THTPA: variants seen among roughly 807,000 people sequenced by gnomAD.
THTPA encodes thiamine-triphosphatase.
A neutral mutation model predicts 16.5 loss-of-function variants in THTPA; 16 were observed. That is an observed-to-expected ratio of 0.97 (90% CI 0.66 to 1.47). The LOEUF is 1.47. Among genes scored for constraint, THTPA ranks in the 40% most tolerant of loss-of-function variants. The pLI, the probability that THTPA is intolerant of heterozygous loss-of-function variation, is 0.00. For synonymous variants in THTPA, 110 were observed against 115.5 expected (o/e 0.95, Z 0.30); for missense variants, 281 against 280.9 (o/e 1.00, Z 0.00).
the THTPA span, chr14:23,521,878 G>C: frequency 6.6e-7 from 1 of 1,508,364 alleles, no homozygotes; most frequent in East Asian, 2.5e-5. Flanking sequence ...GGTGGGGTGA[G>C]GGATTTGAGC....
chr14:23,536,746 C>A, the THTPA span, among the ~76,000 whole-genome samples: 1 of 152,178 alleles, frequency 6.6e-6, no homozygotes, highest in South Asian at 2.1e-4. Context: ...ACTGATGAGG[C>A]ACTGAGTAAA....
the THTPA span, chr14:23,532,255 A>T: frequency 1.1e-5 from 3 of 265,224 alleles, no homozygotes; most frequent in Admixed American, 9.9e-5. Flanking sequence ...CAGCATGCAA[A>T]TGGAGTCTGG....
At chr14:23,525,631 G>A in the THTPA span, 1 of 1,535,902 alleles carries the variant, frequency 6.5e-7, no homozygotes, top group Middle Eastern at 1.7e-4. This position sits in a 1 kb window ranked among gnomAD's most constrained non-coding sequence, Gnocchi z 5.9. Flanking sequence ...TGGCTGCAGT[G>A]CGGGCAGCCT....
At chr14:23,545,376 G>A in the THTPA span, among the ~76,000 whole-genome samples, 5 of 152,268 alleles carry the variant, frequency 3.3e-5, no homozygotes, top group South Asian at 1.0e-3. Context: ...CCCTGCGGAG[G>A]GGTCAGGCTT....
the THTPA span, chr14:23,527,881 G>C: frequency 5.5e-6 from 6 of 1,083,590 alleles, no homozygotes; most frequent in South Asian, 5.5e-5. Context: ...TTTGGATGCA[G>C]CACTGGCCCG....
the THTPA span, chr14:23,523,561 C>A: frequency 6.5e-7 from 1 of 1,538,776 alleles, no homozygotes; most frequent in Non-Finnish European, 8.7e-7. This position sits in a 1 kb window ranked among gnomAD's most constrained non-coding sequence, Gnocchi z 4.1. Context: ...CAGCGGCTGT[C>A]CCCTGTAGTT....
chr14:23,512,829 T>C, the THTPA span: 2 of 148,504 alleles, frequency 1.3e-5, no homozygotes, highest in South Asian at 4.3e-4. Context: ...AGAAGGTGAC[T>C]GAGCCAGGAG....
At chr14:23,534,450 C>T in the THTPA span, 8 of 1,536,452 alleles carry the variant, frequency 5.2e-6, no homozygotes, top group Non-Finnish European at 6.1e-6. The surrounding 1 kb of genome is among the most constrained non-coding windows in gnomAD (Gnocchi z 4.5). Flanking sequence ...GTTTTGGCTC[C>T]AGAAAGCTTA....
At chr14:23,524,673 G>C in the THTPA span, 1 of 1,536,328 alleles carries the variant, frequency 6.5e-7, no homozygotes. This position sits in a 1 kb window ranked among gnomAD's most constrained non-coding sequence, Gnocchi z 5.6. Context: ...TTCTCTTCAG[G>C]CTCTTTGCCT....
At chr14:23,534,191 G>C in the THTPA span, 1 of 1,479,782 alleles carries the variant, frequency 6.8e-7, no homozygotes, top group Non-Finnish European at 8.9e-7. The surrounding 1 kb of genome is among the most constrained non-coding windows in gnomAD (Gnocchi z 4.5). Flanking sequence ...TCCTCTTCTT[G>C]CCCCTCAGGG....
the THTPA span, chr14:23,525,639 C>A: frequency 6.5e-7 from 1 of 1,535,884 alleles, no homozygotes. This position sits in a 1 kb window ranked among gnomAD's most constrained non-coding sequence, Gnocchi z 5.9. Context: ...GTGCGGGCAG[C>A]CTCGTTGGGC....
rs190358314 is a variant in THTPA, at chr14:23,559,711, T to G, written c.*871T>G. 2.9e-5 allele frequency: 47 copies of G among 1,604,176 alleles called. 1 individual carries two copies. The East Asian group carries it at 1.0e-3, about 35-fold the overall frequency. On this transcript the variant is annotated 3_prime_UTR_variant, in exon 2 of 2. Coordinates refer to ENST00000288014, the MANE Select transcript of THTPA (RefSeq NM_024328.6). The stretch of plus-strand genomic sequence containing the variant: ...GAAGCTGCTGGGGCCCCCTGGGGTT[T>G]GGGACACAGGAGAATTTCAGGCTGT...
the THTPA span, chr14:23,525,738 T>C: frequency 1.1e-5 from 17 of 1,512,622 alleles, no homozygotes; most frequent in East Asian, 4.2e-4. This position sits in a 1 kb window ranked among gnomAD's most constrained non-coding sequence, Gnocchi z 5.9. Flanking sequence ...AGCTCAGCCT[T>C]GGGAGGTTGG....
chr14:23,530,303 A>C, the THTPA span: 1 of 855,828 alleles, frequency 1.2e-6, no homozygotes, highest in Non-Finnish European at 1.9e-6. Context: ...GAGAAAATGG[A>C]TGGCTCAATC....
the THTPA span, chr14:23,522,109 G>A: frequency 5.9e-6 from 9 of 1,534,866 alleles, no homozygotes; most frequent in South Asian, 9.5e-5. Flanking sequence ...CTTGAGGTGG[G>A]GCTGCCTTGC....
chr14:23,537,310 T>C, the THTPA span, among the ~76,000 whole-genome samples: 1 of 151,774 alleles, frequency 6.6e-6, no homozygotes, highest in South Asian at 2.1e-4. Context: ...TCCCCCAAGG[T>C]CCCAGTTGGC....
the THTPA span, chr14:23,534,000 G>A: frequency 4.6e-6 from 7 of 1,537,390 alleles, no homozygotes; most frequent in Non-Finnish European, 6.1e-6. The surrounding 1 kb of genome is among the most constrained non-coding windows in gnomAD (Gnocchi z 4.8). Flanking sequence ...AGTGGAGCAG[G>A]GACATGTGGC....
chr14:23,556,209 C>A (rs563779717), upstream of THTPA: 1 of 154,192 alleles, frequency 6.5e-6, no homozygotes, highest in Admixed American at 6.4e-5. Context: ...GCCGCTGGTG[C>A]CGGGACCTGC....
chr14:23,525,583 G>C, the THTPA span: 2 of 1,535,652 alleles, frequency 1.3e-6, no homozygotes, highest in Non-Finnish European at 1.7e-6. The surrounding 1 kb of genome is among the most constrained non-coding windows in gnomAD (Gnocchi z 5.9). Flanking sequence ...CATTGTACTG[G>C]ATCACCAGCT....
Sources: gnomAD v4.1 joint callset for allele counts (sites outside exome capture counted in the v4.1 genomes callset) on GRCh38, gnomAD v4.1.1 for gene constraint, Gnocchi (gnomAD v3.1) non-coding constraint, MANE v1.5 for transcripts, NCBI Gene and HGNC (gene_info 2026-07-23, HGNC 2026-07-21) for gene names.